Variants in SMC1B observed in about 807,000 individuals in gnomAD.
SMC1B encodes the protein structural maintenance of chromosomes protein 1B.
A neutral mutation model predicts 157.9 loss-of-function variants in SMC1B; 60 were observed. The observed-to-expected ratio is 0.38, with a 90% confidence interval of 0.31 to 0.47. The LOEUF is 0.47. Ranked by LOEUF, SMC1B falls within the 20% of genes least tolerant of loss-of-function variation. SMC1B has a pLI of 0.99. For synonymous variants in SMC1B, 445 were observed against 483.0 expected, an observed-to-expected ratio of 0.92 and a Z score of 1.03; for missense variants, 1,165 against 1,426.2, an observed-to-expected ratio of 0.82 and a Z score of 2.95.
At chr22:45,392,701 G>C (rs1470892233) in intron 9 of SMC1B, among the ~76,000 whole-genome samples, 1 of 151,980 alleles carries the variant, frequency 6.6e-6, no homozygotes. Context: ...GCCAATGGTA[G>C]ATGTTTCCTT....
intron 12 of SMC1B, among the ~76,000 whole-genome samples, chr22:45,378,006 T>C (rs1048602185): frequency 2.0e-5 from 3 of 152,108 alleles, no homozygotes; most frequent in African/African-American, 7.2e-5. Context: ...TCCTGGCTAA[T>C]TTTTTAATTT....
At chr22:45,409,994 C>T (rs904462574) in intron 1 of SMC1B, among the ~76,000 whole-genome samples, 1 of 152,176 alleles carries the variant, frequency 6.6e-6, no homozygotes, top group South Asian at 2.1e-4. Context: ...AAAAACGCTG[C>T]ACATTGAGTC....
intron 4 of SMC1B, among the ~76,000 whole-genome samples, chr22:45,403,615 G>A (rs556204412): frequency 2.1e-4 from 32 of 151,934 alleles, no homozygotes; most frequent in South Asian, 1.3e-3. Context: ...CACCACACCA[G>A]GCAAAGTTTT....
chr22:45,361,037 C>CT (rs2086716695), intron 17 of SMC1B, among the ~76,000 whole-genome samples: 1 of 150,950 alleles, frequency 6.6e-6, no homozygotes, highest in Non-Finnish European at 1.5e-5. Flanking sequence ...CAATGGCACT[C>CT]TAAGTGCGTA....
intron 5 of SMC1B, among the ~76,000 whole-genome samples, chr22:45,401,151 CATA>C (rs1398800058): frequency 1.3e-5 from 2 of 152,094 alleles, no homozygotes; most frequent in African/African-American, 4.8e-5. Context: ...GACAATGTAT[CATA>C]ATAATGTAAG....
chr22:45,391,529 T>C (rs1021453244), intron 9 of SMC1B, among the ~76,000 whole-genome samples: 15 of 152,252 alleles, frequency 9.9e-5, no homozygotes, highest in Non-Finnish European at 1.6e-4. Flanking sequence ...ACAGTGATTC[T>C]TTTCACTTTG....
At chr22:45,379,836 G>A (rs1197608532) in intron 12 of SMC1B, among the ~76,000 whole-genome samples, 3 of 148,290 alleles carry the variant, frequency 2.0e-5, no homozygotes, top group African/African-American at 5.0e-5. Context: ...GGGTGCAAGC[G>A]AATCTCCTGC....
intron 9 of SMC1B, among the ~76,000 whole-genome samples, chr22:45,392,009 G>T (rs535984809): frequency 6.6e-6 from 1 of 152,010 alleles, no homozygotes; most frequent in Admixed American, 6.6e-5. Flanking sequence ...AGGCTGGAGC[G>T]CAGTGGTGCT....
Position 45,393,758 on chromosome 22 carries a change from T to C in SMC1B, c.1421A>G (p.Asn474Ser). Residue 474 changes from asparagine (N) to serine (S), a missense_variant, in exon 9 of 25, where the codon AAT becomes AGT. Transcript: ENST00000357450. ...ACTTCTAATAAGATTCAATTCTTCATTAACTTCAGACATTCTTGATTTTGT... is the reference window on the plus strand; with the variant it reads ...ACTTCTAATAAGATTCAATTCTTCACTAACTTCAGACATTCTTGATTTTGT... ...EKTKSRMSEV[N>S]EELNLIRSEL... is the part of the protein sequence containing the mutation. 1 of 1,613,810 alleles carries C rather than the reference T, an allele frequency of 6.2e-7. No individual in the cohort carries two copies. The highest frequency in any genetic ancestry group is 8.5e-7 in the Non-Finnish European group (1 of 1,179,710).
intron 22 of SMC1B, among the ~76,000 whole-genome samples, chr22:45,350,698 C>T (rs6006994): frequency 0.49 from 74,634 of 152,054 alleles, 21,488 homozygotes; most frequent in African/African-American, 0.8. Context: ...AACATGTTCC[C>T]TCCTGTGGTC....
chr22:45,359,492 G>A (rs979425432), intron 18 of SMC1B, among the ~76,000 whole-genome samples: 2 of 152,150 alleles, frequency 1.3e-5, no homozygotes, highest in Non-Finnish European at 2.9e-5. Flanking sequence ...AACCACCCCC[G>A]CACATGATGT....
At chr22:45,387,136 C>A in intron 10 of SMC1B, 90 bp from the exon 11 acceptor site, 1 of 1,133,852 alleles carries the variant, frequency 8.8e-7, no homozygotes, top group Non-Finnish European at 1.3e-6. Context: ...CATATATACG[C>A]ATGGCAGCAA....
At chr22:45,407,392 G>C (rs1435481587) in intron 2 of SMC1B, among the ~76,000 whole-genome samples, 8 of 152,190 alleles carry the variant, frequency 5.3e-5, no homozygotes, top group South Asian at 4.2e-4. Flanking sequence ...ACAGGACAAA[G>C]GACAGAACTC....
At chr22:45,349,856 G>C in intron 22 of SMC1B, 59 bp from the exon 23 acceptor site, 1 of 1,318,628 alleles carries the variant, frequency 7.6e-7, no homozygotes, top group Non-Finnish European at 1.1e-6. Context: ...CAAAAGACTT[G>C]GAGGAAAAGA....
At position 45,359,975 on chromosome 22, in the gene SMC1B, AT is replaced by A; in HGVS notation, c.2709-18del. On this transcript the variant is annotated intron_variant, in intron 17 of 24. Coordinates refer to ENST00000357450, the MANE Select transcript of SMC1B (RefSeq NM_148674.5). ...CCCACTTCCCTGTAATTACACAGATATGAAAAAGTAATTTTACTCATTATGT... is the reference window on the plus strand; with the variant it reads ...CCCACTTCCCTGTAATTACACAGATAGAAAAAGTAATTTTACTCATTATGT... The A allele has an allele frequency of 1.2e-6, 2 of 1,605,842 alleles. No homozygotes were observed. The highest frequency in any genetic ancestry group is 1.7e-6 in the Non-Finnish European group (2 of 1,173,788).
At chr22:45,395,758 G>A (rs147504762) in intron 7 of SMC1B, among the ~76,000 whole-genome samples, 4 of 152,212 alleles carry the variant, frequency 2.6e-5, no homozygotes, top group Non-Finnish European at 5.9e-5. Flanking sequence ...TCAGGAGGCT[G>A]AGACAGGAGA....
Position 45,399,181 on chromosome 22 carries a change from A to T in SMC1B, c.1027T>A (p.Leu343Ile), listed in dbSNP as rs763904759. 11 of 1,614,056 alleles carry T rather than the reference A, an allele frequency of 6.8e-6. No homozygotes were observed. Among genetic ancestry groups the T allele is most frequent in the Non-Finnish European group, 7.6e-6 (9 of 1,179,966 alleles). ...IKALETELAD[L>I]DAAWRSFEKQ... ...TCAAAACTTCTCCATGCAGCATCTAAATCAGCCAGCTCTGTCTCCAGGGCT... is the reference window on the plus strand; with the variant it reads ...TCAAAACTTCTCCATGCAGCATCTATATCAGCCAGCTCTGTCTCCAGGGCT... Residue 343 changes from leucine (L) to isoleucine (I), a missense_variant, in exon 6 of 25, where the codon TTA becomes ATA. Leu to Ile is a conservative substitution (Grantham distance 5, BLOSUM62 2). Coordinates refer to ENST00000357450, the MANE Select transcript of SMC1B (RefSeq NM_148674.5).
intron 6 of SMC1B, among the ~76,000 whole-genome samples, chr22:45,397,222 A>C (rs1430976682): frequency 6.6e-6 from 1 of 152,156 alleles, no homozygotes; most frequent in African/African-American, 2.4e-5. Flanking sequence ...GCTCTATTTT[A>C]AACAGTCTTT....
At chr22:45,352,844 CCAGT>C (rs1455791915) in intron 21 of SMC1B, among the ~76,000 whole-genome samples, 1 of 152,174 alleles carries the variant, frequency 6.6e-6, no homozygotes, top group Non-Finnish European at 1.5e-5. Flanking sequence ...CACCAGACTG[CCAGT>C]CAAACCTCAG....
Sources: gnomAD v4.1 joint callset for allele counts (sites outside exome capture counted in the v4.1 genomes callset) on GRCh38, gnomAD v4.1.1 for gene constraint, MANE v1.5 for transcripts, NCBI Gene and HGNC (gene_info 2026-07-23, HGNC 2026-07-21) for gene names.